The following FRMD5 variants were observed in gnomAD, a reference collection of about 807,000 sequenced individuals.
The protein encoded by FRMD5 is FERM domain-containing protein 5.
In FRMD5, 20 loss-of-function variants were observed where a neutral mutation model predicts 69.0. The ratio of observed to expected loss-of-function variants is 0.29; its 90% confidence interval spans 0.20 to 0.42. The LOEUF (loss-of-function observed/expected upper bound fraction) is 0.42, where lower values mean the gene tolerates loss of function less well. Ranked by LOEUF, FRMD5 falls within the 10% of genes least tolerant of loss-of-function variation. The probability of loss-of-function intolerance (pLI) is 1.00; values close to 1 mark genes in which losing one functional copy is unlikely to be tolerated. For missense variants in FRMD5, 595 were observed against 708.6 expected (o/e 0.84, Z 1.82); for synonymous variants, 271 against 260.1 (o/e 1.04, Z -0.40).
chr15:43,997,920 G>A (rs893328673), intron 1 of FRMD5, among the ~76,000 whole-genome samples: 3 of 151,982 alleles, frequency 2.0e-5, no homozygotes, highest in African/African-American at 7.3e-5. Context: ...CTTCCAGTAG[G>A]CCTCTTAAAG....
At chr15:43,989,784 G>A (rs529405223) in intron 1 of FRMD5, 34 of 1,041,146 alleles carry the variant, frequency 3.3e-5, no homozygotes, top group Middle Eastern at 4.3e-4. Context: ...GGATGGCCAC[G>A]TACATGGCTG....
At chr15:44,190,426 C>T (rs1404235855) in intron 1 of FRMD5, among the ~76,000 whole-genome samples, 1 of 152,166 alleles carries the variant, frequency 6.6e-6, no homozygotes, top group Non-Finnish European at 1.5e-5. Flanking sequence ...AGAACTCTAA[C>T]ACTCCATGAA....
chr15:43,897,976 G>T (rs925031299), intron 7 of FRMD5, among the ~76,000 whole-genome samples: 26 of 152,120 alleles, frequency 1.7e-4, no homozygotes, highest in African/African-American at 6.0e-4. Context: ...CGCTATGATT[G>T]TAAGTTTCCT....
Position 43,970,538 on chromosome 15 carries a change from T to C in FRMD5, c.103-46229A>G, listed in dbSNP as rs1001562281. Among the ~76,000 whole-genome samples, 10 of 152,170 alleles carry C rather than the reference T, an allele frequency of 6.6e-5. No individual in the cohort carries two copies. The East Asian group carries it at 1.9e-3, about 29-fold the overall frequency. ...AGGCTGGAGTGCAGTGGTATGATCT[T>C]GGCTCACTGCAACCTCCACCTCCTG... On this transcript the variant is annotated intron_variant, in intron 1 of 13. Transcript: ENST00000417257.
intron 1 of FRMD5, among the ~76,000 whole-genome samples, chr15:43,974,016 C>CTT (rs1297501201): frequency 7.1e-6 from 1 of 141,258 alleles, no homozygotes; most frequent in Non-Finnish European, 1.6e-5. Context: ...ATCAAATTAA[C>CTT]TTTTTTTTTT....
intron 13 of FRMD5, among the ~76,000 whole-genome samples, 162 bp from the exon 14 acceptor site, chr15:43,874,624 G>T (rs2088275600): frequency 6.6e-6 from 1 of 152,224 alleles, no homozygotes; most frequent in Admixed American, 6.5e-5. Context: ...GACAGGCCGG[G>T]TATGGTGGCT....
At chr15:44,133,342 C>T (rs1353743921) in intron 1 of FRMD5, among the ~76,000 whole-genome samples, 3 of 151,486 alleles carry the variant, frequency 2.0e-5, no homozygotes, top group Admixed American at 6.6e-5. Flanking sequence ...TTTGGGAGGC[C>T]GAGGCAGGCA....
At chr15:44,154,799 G>A (rs1367013267) in intron 1 of FRMD5, among the ~76,000 whole-genome samples, 1 of 152,192 alleles carries the variant, frequency 6.6e-6, no homozygotes, top group East Asian at 1.9e-4. Flanking sequence ...CATAGTGACA[G>A]CTAAGGGGTG....
intron 1 of FRMD5, among the ~76,000 whole-genome samples, chr15:44,159,555 T>A (rs1006689061): frequency 6.6e-6 from 1 of 152,084 alleles, no homozygotes; most frequent in Non-Finnish European, 1.5e-5. Flanking sequence ...AGCCTAAAGT[T>A]AAGGAACAAG....
Position 44,195,111 on chromosome 15 carries a change from G to C in FRMD5, c.-57C>G, listed in dbSNP as rs1419789842. 1 of 1,385,850 alleles carries C rather than the reference G, an allele frequency of 7.2e-7. No homozygotes were observed. Among genetic ancestry groups the C allele is most frequent in the East Asian group, 2.8e-5 (1 of 36,158 alleles). 85.8% of individuals were successfully genotyped at this position (1,385,850 alleles called of 1,614,324 possible). ...CGGCGCTGCGGACCCTGGACCAGGCGTCCCTCAGCCCGGCAGCTCCGCACC... is the reference window on the plus strand; with the variant it reads ...CGGCGCTGCGGACCCTGGACCAGGCCTCCCTCAGCCCGGCAGCTCCGCACC... On this transcript the variant is annotated 5_prime_UTR_variant, in exon 1 of 14. Coordinates refer to ENST00000417257, the MANE Select transcript of FRMD5 (RefSeq NM_032892.5).
intron 1 of FRMD5, among the ~76,000 whole-genome samples, chr15:44,059,645 G>A (rs1184993902): frequency 6.6e-6 from 1 of 151,984 alleles, no homozygotes; most frequent in Non-Finnish European, 1.5e-5. Flanking sequence ...CTCAGTAGCT[G>A]GGACTACAGC....
At chr15:43,955,143 G>A (rs959630763) in intron 1 of FRMD5, among the ~76,000 whole-genome samples, 7 of 152,136 alleles carry the variant, frequency 4.6e-5, no homozygotes, top group South Asian at 2.1e-4. Context: ...GAAGTAACAA[G>A]AATTTTCTCA....
chr15:44,143,597 T>C (rs1298873836), intron 1 of FRMD5, among the ~76,000 whole-genome samples: 2 of 150,692 alleles, frequency 1.3e-5, no homozygotes, highest in East Asian at 1.9e-4. Flanking sequence ...CAAACTATAA[T>C]AGAGGTATCA....
intron 1 of FRMD5, chr15:44,064,188 GA>G: frequency 5.0e-6 from 1 of 201,796 alleles, no homozygotes; most frequent in Non-Finnish European, 1.0e-5. Context: ...AGCTGAACAG[GA>G]AGGTCACTGG....
intron 1 of FRMD5, among the ~76,000 whole-genome samples, chr15:44,162,262 CCTTT>C (rs1328003204): frequency 1.3e-5 from 1 of 78,268 alleles, no homozygotes; most frequent in Non-Finnish European, 2.8e-5. Context: ...CCGTGCCAGG[CCTTT>C]TTTTTTTTTT....
chr15:44,120,474 T>C (rs2076931549), intron 1 of FRMD5, among the ~76,000 whole-genome samples: 1 of 151,426 alleles, frequency 6.6e-6, no homozygotes, highest in Non-Finnish European at 1.5e-5. Context: ...AGATTTGGCT[T>C]GGGTAACTAG....
chr15:44,045,140 TG>T (rs1892373419), intron 1 of FRMD5, among the ~76,000 whole-genome samples: 1 of 152,188 alleles, frequency 6.6e-6, no homozygotes, highest in South Asian at 2.1e-4. Flanking sequence ...CACAAGTTAG[TG>T]GGAAAAAATA....
At chr15:44,093,824 G>C (rs995833836) in intron 1 of FRMD5, among the ~76,000 whole-genome samples, 1 of 151,686 alleles carries the variant, frequency 6.6e-6, no homozygotes, top group Non-Finnish European at 1.5e-5. Flanking sequence ...CGCCTGTCTC[G>C]GCCTCCCAAA....
At chr15:43,883,557 C>T (rs1160816918) in intron 13 of FRMD5, 146 bp downstream of exon 13, 1 of 609,488 alleles carries the variant, frequency 1.6e-6, no homozygotes, top group African/African-American at 1.9e-5. Flanking sequence ...ATATTCCCAT[C>T]CACTGGATAA....
Sources: allele counts gnomAD v4.1 joint callset (sites outside exome capture counted in the v4.1 genomes callset), GRCh38; gene constraint gnomAD v4.1.1; transcripts MANE v1.5; gene names NCBI Gene and HGNC (gene_info 2026-07-23, HGNC 2026-07-21).